ELMOD3: variants seen among roughly 807,000 people sequenced by gnomAD.
The protein encoded by ELMOD3 is ELMO domain-containing protein 3.
ELMOD3 carries 36 observed loss-of-function variants against 47.4 expected under a neutral mutation model. The ratio of observed to expected loss-of-function variants is 0.76; its 90% CI spans 0.58 to 1.00. The LOEUF (loss-of-function observed/expected upper bound fraction) is 1.00, where lower values mean the gene tolerates loss of function less well. ELMOD3 is among the 50% of genes least tolerant of loss of function. The probability of loss-of-function intolerance (pLI) is 0.00; values close to 1 mark genes in which losing one functional copy is unlikely to be tolerated. For missense variants in ELMOD3, 404 were observed against 463.8 expected, an observed-to-expected ratio of 0.87 and a Z score of 1.18; for synonymous variants, 149 against 183.5, an observed-to-expected ratio of 0.81 and a Z score of 1.52.
intron 7 of ELMOD3, 82 bp downstream of exon 7, chr2:85,368,836 G>A: frequency 7.0e-7 from 1 of 1,430,650 alleles, no homozygotes; most frequent in South Asian, 1.2e-5. Flanking sequence ...ATGTTTCTGT[G>A]AGTCTGGGAC....
At position 85,391,041 on chromosome 2, in the gene ELMOD3, C is replaced by G; in HGVS notation, c.*79C>G. Reference sequence around the variant, plus strand: ...CAGTGGAGCCATGTCAGGAGCCTGGCCAGGCCGCACCCCTTGCTGTCTCAG... The same window carrying G: ...CAGTGGAGCCATGTCAGGAGCCTGGGCAGGCCGCACCCCTTGCTGTCTCAG... On this transcript the variant is annotated 3_prime_UTR_variant, in exon 14 of 14. Transcript: ENST00000409013. 16 of 1,359,538 alleles carry G rather than the reference C, an allele frequency of 1.2e-5. No individual in the cohort carries two copies. Among genetic ancestry groups the G allele is most frequent in the Non-Finnish European group, 1.6e-5 (16 of 994,712 alleles). 84.2% of individuals were successfully genotyped at this position (1,359,538 alleles called of 1,614,324 possible).
rs762386447 is a variant in ELMOD3, at chr2:85,390,313, A to G, written c.943+48A>G. 5 of 1,613,998 alleles carry G rather than the reference A, an allele frequency of 3.1e-6. No homozygotes were observed. In the African/African-American group the frequency reaches 4.0e-5, roughly 13 times the overall value. ...GCCTAGGCTGAATGCACAGTGTCCC[A>G]GGTCCAGAGAGCCCAAGGTGGTTGC... is the stretch of plus-strand genomic sequence containing the variant. On this transcript the variant is annotated intron_variant, in intron 13 of 13. Coordinates refer to ENST00000409013, the MANE Select transcript of ELMOD3 (RefSeq NM_001135022.2).
chr2:85,369,259 C>T (rs529250254), intron 7 of ELMOD3, among the ~76,000 whole-genome samples: 89 of 152,282 alleles, frequency 5.8e-4, no homozygotes, highest in African/African-American at 2.1e-3. Flanking sequence ...CTCTTCAGCT[C>T]CTTGGGCCCA....
intron 6 of ELMOD3, among the ~76,000 whole-genome samples, chr2:85,364,825 A>ATATATATATATTTTT (rs375582916): frequency 4.3e-5 from 3 of 69,892 alleles, no homozygotes; most frequent in African/African-American, 6.7e-5. Flanking sequence ...ATATATATAT[A>ATATATATATATTTTT]TTTTTTTTTT....
Position 85,368,774 on chromosome 2 carries a change from T to C in ELMOD3, c.268+20T>C, listed in dbSNP as rs1291322167. The C allele has an allele frequency of 6.2e-7, 1 of 1,613,826 alleles. No individual in the cohort carries two copies. Among genetic ancestry groups the C allele is most frequent in the South Asian group, 1.1e-5 (1 of 91,070 alleles). On this transcript the variant is annotated intron_variant, in intron 7 of 13. Transcript: ENST00000409013. Reference sequence around the variant, plus strand: ...AGACAGGTAACTGTACGAATGCTGCTGTCTCCCCATAGCCCCTCTGCCAGC... The same window carrying C: ...AGACAGGTAACTGTACGAATGCTGCCGTCTCCCCATAGCCCCTCTGCCAGC...
chr2:85,377,329 C>T lies in ELMOD3; in HGVS notation c.608-15C>T, dbSNP rs377758225. 5.3e-5 allele frequency: 83 copies of T among 1,575,204 alleles called. No homozygotes were observed. The African/African-American group carries it at 7.0e-4, about 13-fold the overall frequency. On this transcript the variant is annotated splice_polypyrimidine_tract_variant and intron_variant, in intron 10 of 13. Coordinates refer to ENST00000409013, the MANE Select transcript of ELMOD3 (RefSeq NM_001135022.2). ...CTCGCTGCCACACCCTGTTTCCTCA[C>T]GGTCTCTGTTACAGGAGCGAATCCA...
chr2:85,390,624 A>T, intron 13 of ELMOD3, 136 bp from the exon 14 acceptor site: 1 of 1,504,344 alleles, frequency 6.6e-7, no homozygotes, highest in Non-Finnish European at 8.8e-7. Flanking sequence ...TGATCTCTCC[A>T]TCTGAGGCTC....
rs1573075690 is a variant in ELMOD3, at chr2:85,357,177, C to T, written c.-22C>T. The T allele has an allele frequency of 6.3e-7, 1 of 1,592,272 alleles. No individual in the cohort carries two copies. The highest frequency in any genetic ancestry group is 8.6e-7 in the Non-Finnish European group (1 of 1,165,322). On this transcript the variant is annotated 5_prime_UTR_variant, in exon 4 of 14. Transcript: ENST00000409013. Reference sequence around the variant, plus strand: ...TTTCTGGGCCCAAGGACAAAGCTCACATGAACAAATGATTTTGAGTCATGA... The same window carrying T: ...TTTCTGGGCCCAAGGACAAAGCTCATATGAACAAATGATTTTGAGTCATGA...
chr2:85,363,051 G>A (rs1481472878), intron 5 of ELMOD3, 46 bp from the exon 6 acceptor site: 3 of 1,181,954 alleles, frequency 2.5e-6, no homozygotes, highest in African/African-American at 1.5e-5. Flanking sequence ...TGTATATGGG[G>A]GTATGTGGAT....
At chr2:85,366,526 T>C (rs1029154635) in intron 6 of ELMOD3, among the ~76,000 whole-genome samples, 1 of 152,144 alleles carries the variant, frequency 6.6e-6, no homozygotes, top group Non-Finnish European at 1.5e-5. Flanking sequence ...CACACCTATG[T>C]TGATAATAAT....
rs1683617114 is a variant in ELMOD3 at position 85,357,075 on chromosome 2, G to T, written c.-124G>T. On this transcript the variant is annotated 5_prime_UTR_variant, in exon 4 of 14. Transcript: ENST00000409013. Reference sequence around the variant, plus strand: ...TTTCTTACTCTTAGTCTGAGTGACTGCCAAGGAAGGCAAAGGTAGAGCAAC... The same window carrying T: ...TTTCTTACTCTTAGTCTGAGTGACTTCCAAGGAAGGCAAAGGTAGAGCAAC... 2 of 652,262 alleles carry T rather than the reference G, an allele frequency of 3.1e-6. No individual in the cohort carries two copies. Among genetic ancestry groups the T allele is most frequent in the African/African-American group, 3.7e-5 (2 of 53,366 alleles). 40.4% of individuals were successfully genotyped at this position (652,262 alleles called of 1,614,324 possible).
chr2:85,387,930 G>A (rs1483559374), intron 11 of ELMOD3, among the ~76,000 whole-genome samples: 1 of 152,142 alleles, frequency 6.6e-6, no homozygotes, highest in Non-Finnish European at 1.5e-5. Context: ...TCTCCCAGTG[G>A]AATCACACAG....
chr2:85,389,601 G>A (rs1419669950), intron 11 of ELMOD3, 150 bp from the exon 12 acceptor site: 4 of 646,788 alleles, frequency 6.2e-6, no homozygotes, highest in Admixed American at 2.6e-5. Flanking sequence ...AAGATGGGAA[G>A]AAGATTATTA....
intron 5 of ELMOD3, 100 bp from the exon 6 acceptor site, chr2:85,362,997 C>T (rs947773854): frequency 5.5e-6 from 4 of 721,158 alleles, no homozygotes; most frequent in Non-Finnish European, 9.9e-6. Context: ...TCCTTTTGGC[C>T]TCCAGTGTCA....
chr2:85,370,637 C>T (rs1013950069), intron 8 of ELMOD3, among the ~76,000 whole-genome samples: 1 of 152,188 alleles, frequency 6.6e-6, no homozygotes, highest in Non-Finnish European at 1.5e-5. Flanking sequence ...GAGAAGCCAA[C>T]ATGACCTCAC....
intron 13 of ELMOD3, chr2:85,390,478 T>TA (rs1558723123): frequency 6.2e-7 from 1 of 1,613,528 alleles, no homozygotes; most frequent in East Asian, 2.2e-5. Flanking sequence ...GTCTTATACT[T>TA]ATGACAAGCA....
intron 10 of ELMOD3, among the ~76,000 whole-genome samples, chr2:85,375,537 GTTC>G (rs1323351577): frequency 1.3e-5 from 2 of 151,950 alleles, no homozygotes; most frequent in East Asian, 3.9e-4. Context: ...TTTCCATTTG[GTTC>G]TTCTTTATAT....
intron 6 of ELMOD3, chr2:85,367,700 T>A (rs1027797160): frequency 6.6e-6 from 1 of 152,070 alleles, no homozygotes; most frequent in Non-Finnish European, 1.5e-5. Flanking sequence ...AAACAAAAAA[T>A]TTAAAAACAA....
intron 11 of ELMOD3, chr2:85,387,043 A>G: frequency 7.8e-7 from 1 of 1,281,634 alleles, no homozygotes; most frequent in Non-Finnish European, 1.0e-6. Context: ...CACTAAGTTC[A>G]GGTCCTCTGT....
Sources: gnomAD v4.1 joint callset for allele counts (sites outside exome capture counted in the v4.1 genomes callset) on GRCh38, gnomAD v4.1.1 for gene constraint, MANE v1.5 for transcripts, NCBI Gene and HGNC (gene_info 2026-07-23, HGNC 2026-07-21) for gene names.